HTR1F: variants seen among roughly 807,000 people sequenced by gnomAD.
The protein encoded by HTR1F is 5-hydroxytryptamine (serotonin) receptor 1F, G protein-coupled.
In HTR1F, 17 loss-of-function variants were observed where a neutral mutation model predicts 24.0. That is an observed-to-expected ratio of 0.71 (90% CI 0.48 to 1.06). The LOEUF (loss-of-function observed/expected upper bound fraction) is 1.06. Among genes scored for constraint, HTR1F ranks in the 50% least tolerant of loss-of-function variants. The pLI is 0.00. For missense variants in HTR1F, 391 were observed against 427.8 expected, an observed-to-expected ratio of 0.91 and a Z score of 0.76; for synonymous variants, 186 against 156.8, an observed-to-expected ratio of 1.19 and a Z score of -1.39.
chr3:87,849,443 C>A (rs9844011), intron 2 of HTR1F, among the ~76,000 whole-genome samples: 13,339 of 151,538 alleles, frequency 0.088, 2,087 homozygotes, highest in African/African-American at 0.3. Flanking sequence ...CTTACACCTT[C>A]TACAAAAATT....
intron 2 of HTR1F, among the ~76,000 whole-genome samples, chr3:87,834,176 A>G (rs1704637300): frequency 6.6e-6 from 1 of 152,190 alleles, no homozygotes; most frequent in African/African-American, 2.4e-5. Flanking sequence ...GATTCCTCTA[A>G]TCACTATACT....
chr3:87,960,324 T>G (rs1053888810), intron 2 of HTR1F, among the ~76,000 whole-genome samples: 1 of 151,994 alleles, frequency 6.6e-6, no homozygotes, highest in African/African-American at 2.4e-5. Context: ...AAGTGGTCAT[T>G]GTAAGTATCA....
chr3:87,856,547 G>A (rs1007129819), intron 2 of HTR1F, among the ~76,000 whole-genome samples: 1 of 152,074 alleles, frequency 6.6e-6, no homozygotes, highest in African/African-American at 2.4e-5. Context: ...CTTGTCTTGT[G>A]TAATATTGAC....
intron 2 of HTR1F, among the ~76,000 whole-genome samples, chr3:87,950,779 AGTT>A (rs1015846314): frequency 1.3e-5 from 2 of 152,278 alleles, no homozygotes; most frequent in South Asian, 2.1e-4. Flanking sequence ...TCGAAGTCAG[AGTT>A]GTTGTCAATT....
At chr3:87,921,079 A>T (rs1362929239) in intron 2 of HTR1F, among the ~76,000 whole-genome samples, 1 of 151,938 alleles carries the variant, frequency 6.6e-6, no homozygotes, top group Non-Finnish European at 1.5e-5. Context: ...TAACTGGAGA[A>T]ATTAGCTTAT....
intron 1 of HTR1F, among the ~76,000 whole-genome samples, 28 bp downstream of exon 1, chr3:87,792,870 G>C (rs537963699): frequency 1.3e-5 from 2 of 152,224 alleles, no homozygotes; most frequent in Non-Finnish European, 2.9e-5. Flanking sequence ...CGCTGAGCCC[G>C]GGAGTGCGGG....
intron 2 of HTR1F, among the ~76,000 whole-genome samples, chr3:87,950,668 T>A (rs1182161659): frequency 6.6e-6 from 1 of 152,122 alleles, no homozygotes; most frequent in Non-Finnish European, 1.5e-5. Context: ...TGGCAAGTCA[T>A]CAGTGCATTT....
At chr3:87,932,689 T>G (rs932379970) in intron 2 of HTR1F, among the ~76,000 whole-genome samples, 11 of 151,906 alleles carry the variant, frequency 7.2e-5, no homozygotes, top group Admixed American at 1.3e-4. Flanking sequence ...AATAACAGGA[T>G]CTGAAATTGT....
intron 2 of HTR1F, among the ~76,000 whole-genome samples, chr3:87,850,949 CTATAATA>C (rs929695728): frequency 2.0e-5 from 3 of 151,488 alleles, no homozygotes; most frequent in African/African-American, 4.9e-5. Context: ...GTTGTCTATA[CTATAATA>C]TATAAGTACT....
intron 2 of HTR1F, among the ~76,000 whole-genome samples, chr3:87,927,504 C>T (rs1055991096): frequency 2.0e-5 from 3 of 151,574 alleles, no homozygotes; most frequent in African/African-American, 7.3e-5. Flanking sequence ...TACAGTCACA[C>T]CAAAAAAATG....
chr3:87,834,847 T>C (rs2107162127), intron 2 of HTR1F, among the ~76,000 whole-genome samples: 1 of 152,318 alleles, frequency 6.6e-6, no homozygotes, highest in South Asian at 2.1e-4. Flanking sequence ...ACAGCCATGC[T>C]CATTTGTTTA....
At chr3:87,928,011 A>G (rs888203240) in intron 2 of HTR1F, among the ~76,000 whole-genome samples, 3 of 151,444 alleles carry the variant, frequency 2.0e-5, no homozygotes, top group African/African-American at 7.3e-5. Flanking sequence ...TGTGCCTTAA[A>G]TTACCTGTAC....
At chr3:87,928,891 C>G (rs1417780106) in intron 2 of HTR1F, among the ~76,000 whole-genome samples, 1 of 152,032 alleles carries the variant, frequency 6.6e-6, no homozygotes, top group Non-Finnish European at 1.5e-5. Context: ...CCAAGAAAGC[C>G]ATCAGTGAAA....
chr3:87,926,758 A>G (rs192803851), intron 2 of HTR1F, among the ~76,000 whole-genome samples: 1 of 152,252 alleles, frequency 6.6e-6, no homozygotes, highest in African/African-American at 2.4e-5. Flanking sequence ...GGTTCATATT[A>G]CTAAATTTTA....
At chr3:87,800,915 G>A (rs1398640171) in intron 1 of HTR1F, among the ~76,000 whole-genome samples, 1 of 152,164 alleles carries the variant, frequency 6.6e-6, no homozygotes, top group African/African-American at 2.4e-5. Flanking sequence ...TGTATCTACA[G>A]TCTTTAAGAC....
chr3:87,914,761 C>T (rs1576023492), intron 2 of HTR1F, among the ~76,000 whole-genome samples: 2 of 152,096 alleles, frequency 1.3e-5, no homozygotes, highest in East Asian at 1.9e-4. Context: ...CCTACCCACC[C>T]TGGTAGCTGA....
intron 1 of HTR1F, among the ~76,000 whole-genome samples, chr3:87,819,705 T>C (rs1704317648): frequency 6.6e-6 from 1 of 152,086 alleles, no homozygotes; most frequent in Non-Finnish European, 1.5e-5. Flanking sequence ...AGTATCTCCA[T>C]CATGCCAATA....
chr3:87,897,545 C>T (rs1158821631), intron 2 of HTR1F, among the ~76,000 whole-genome samples: 3 of 151,980 alleles, frequency 2.0e-5, no homozygotes, highest in East Asian at 1.9e-4. Context: ...TTAGCTTATT[C>T]GTTTTGAGCT....
intron 2 of HTR1F, among the ~76,000 whole-genome samples, chr3:87,981,370 A>G (rs189902199): frequency 2.2e-4 from 33 of 152,028 alleles, no homozygotes; most frequent in African/African-American, 8.0e-4. Context: ...AATTTTTTGT[A>G]TTTTAGTAAA....
Sources: allele counts gnomAD v4.1 joint callset (sites outside exome capture counted in the v4.1 genomes callset), GRCh38; gene constraint gnomAD v4.1.1; transcripts MANE v1.5; gene names NCBI Gene and HGNC (gene_info 2026-07-23, HGNC 2026-07-21).